C8orf34: variants seen among roughly 807,000 people sequenced by gnomAD.
C8orf34 encodes the protein chromosome 8 open reading frame 34, also known as uncharacterized protein C8orf34.
C8orf34 carries 65 observed loss-of-function variants against 68.3 expected under a neutral mutation model. The observed-to-expected ratio is 0.95, with a 90% CI of 0.78 to 1.17. The LOEUF (loss-of-function observed/expected upper bound fraction) is 1.17, where lower values mean the gene tolerates loss of function less well. Among genes scored for constraint, C8orf34 ranks in the 50% most tolerant of loss-of-function variants. C8orf34 has a pLI of 0.00. For missense variants in C8orf34, 664 were observed against 655.4 expected (o/e 1.01, Z -0.14); for synonymous variants, 244 against 241.2 (o/e 1.01, Z -0.11).
intron 5 of C8orf34, among the ~76,000 whole-genome samples, chr8:68,507,277 A>T (rs1021396987): frequency 6.6e-5 from 10 of 152,246 alleles, no homozygotes; most frequent in Non-Finnish European, 1.3e-4. Flanking sequence ...TCTTAAATCC[A>T]GTAAACTTTC....
chr8:68,370,521 A>C (rs1807513778), intron 1 of C8orf34, among the ~76,000 whole-genome samples: 1 of 152,126 alleles, frequency 6.6e-6, no homozygotes, highest in African/African-American at 2.4e-5. Flanking sequence ...ATGTATTTTT[A>C]AATTCTTTCA....
intron 8 of C8orf34, among the ~76,000 whole-genome samples, chr8:68,686,688 G>A (rs571951288): frequency 6.6e-6 from 1 of 152,190 alleles, no homozygotes; most frequent in African/African-American, 2.4e-5. Context: ...GGGAAATGCT[G>A]AAATCGTTTT....
chr8:68,602,189 T>C (rs565404487), intron 7 of C8orf34, among the ~76,000 whole-genome samples: 1 of 152,024 alleles, frequency 6.6e-6, no homozygotes, highest in Non-Finnish European at 1.5e-5. Context: ...GGAAGTGGAG[T>C]GCCAACTAAT....
chr8:68,448,454 G>A (rs1395183619), intron 3 of C8orf34, among the ~76,000 whole-genome samples: 1 of 152,138 alleles, frequency 6.6e-6, no homozygotes, highest in Non-Finnish European at 1.5e-5. Flanking sequence ...TATTTCTGAA[G>A]TAGTAAAATA....
At chr8:68,539,510 C>T (rs943568313) in intron 7 of C8orf34, among the ~76,000 whole-genome samples, 1 of 152,084 alleles carries the variant, frequency 6.6e-6, no homozygotes, top group Non-Finnish European at 1.5e-5. Context: ...TCATATATCA[C>T]AATATTCCCA....
chr8:68,808,882 C>T (rs1824564320), intron 12 of C8orf34, among the ~76,000 whole-genome samples: 1 of 152,100 alleles, frequency 6.6e-6, no homozygotes, highest in African/African-American at 2.4e-5. Flanking sequence ...TAATTATTGA[C>T]ATAATATTCT....
chr8:68,816,150 G>A (rs1311600223), intron 13 of C8orf34, among the ~76,000 whole-genome samples: 1 of 151,352 alleles, frequency 6.6e-6, no homozygotes, highest in Non-Finnish European at 1.5e-5. Context: ...GTGTGTGTGT[G>A]TGTGTGTGTG....
At chr8:68,746,473 T>A in intron 10 of C8orf34, among the ~76,000 whole-genome samples, 1 of 19,988 alleles carries the variant, frequency 5.0e-5, no homozygotes, top group Non-Finnish European at 1.0e-4. Flanking sequence ...ATCAACAAAA[T>A]TGATAGACCG....
chr8:68,661,727 C>A (rs1819685197), intron 8 of C8orf34, among the ~76,000 whole-genome samples: 1 of 152,040 alleles, frequency 6.6e-6, no homozygotes, highest in African/African-American at 2.4e-5. Flanking sequence ...TTTAGGTAAG[C>A]CCGTTGTGCA....
intron 9 of C8orf34, among the ~76,000 whole-genome samples, chr8:68,713,917 G>A (rs1353411156): frequency 1.3e-5 from 2 of 152,032 alleles, no homozygotes; most frequent in African/African-American, 2.4e-5. Context: ...ACCAAATCCA[G>A]CAGAATATCA....
intron 5 of C8orf34, among the ~76,000 whole-genome samples, chr8:68,495,126 G>A (rs2129632146): frequency 6.6e-6 from 1 of 151,556 alleles, no homozygotes; most frequent in East Asian, 2.0e-4. Flanking sequence ...TTAGTGTGGG[G>A]TATATTTTAG....
chr8:68,377,587 C>G (rs762766724), intron 1 of C8orf34, among the ~76,000 whole-genome samples: 11 of 152,142 alleles, frequency 7.2e-5, no homozygotes, highest in Non-Finnish European at 1.5e-4. Flanking sequence ...TTTTGAGCAT[C>G]ATTGGACAAT....
chr8:68,378,441 C>G (rs1176892748), intron 1 of C8orf34, among the ~76,000 whole-genome samples: 1 of 152,110 alleles, frequency 6.6e-6, no homozygotes, highest in Non-Finnish European at 1.5e-5. Flanking sequence ...GAACTATAGG[C>G]ACATGCTACC....
chr8:68,632,222 C>T (rs929694752), intron 7 of C8orf34, among the ~76,000 whole-genome samples: 2 of 152,112 alleles, frequency 1.3e-5, no homozygotes, highest in African/African-American at 4.8e-5. Context: ...GAGCAGAGGT[C>T]ACTCTTGTTA....
intron 7 of C8orf34, among the ~76,000 whole-genome samples, chr8:68,538,202 C>G (rs1441092168): frequency 6.6e-6 from 1 of 151,912 alleles, no homozygotes; most frequent in East Asian, 1.9e-4. Context: ...TATATTTTTT[C>G]TTGTTTATGT....
intron 2 of C8orf34, among the ~76,000 whole-genome samples, chr8:68,446,001 A>G (rs1347837098): frequency 6.6e-6 from 1 of 152,150 alleles, no homozygotes. Flanking sequence ...CATACTGGTC[A>G]GGTTGGTCTC....
At chr8:68,497,219 T>A (rs1469039563) in intron 5 of C8orf34, among the ~76,000 whole-genome samples, 5 of 152,160 alleles carry the variant, frequency 3.3e-5, no homozygotes, top group Non-Finnish European at 5.9e-5. Flanking sequence ...AAATTCCAAA[T>A]GAGCCATATA....
chr8:68,482,374 T>A (rs1478557792), intron 4 of C8orf34, among the ~76,000 whole-genome samples: 2 of 152,214 alleles, frequency 1.3e-5, no homozygotes, highest in Admixed American at 6.5e-5. Flanking sequence ...ATTCCTCAAC[T>A]TCTAGCAGGA....
chr8:68,806,314 G>A (rs1824482914), intron 12 of C8orf34, among the ~76,000 whole-genome samples: 1 of 150,546 alleles, frequency 6.6e-6, no homozygotes, highest in Admixed American at 6.6e-5. Flanking sequence ...CCTTTCTTCT[G>A]CCTAAATAAA....
Sources: gnomAD v4.1 joint callset for allele counts (sites outside exome capture counted in the v4.1 genomes callset) on GRCh38, gnomAD v4.1.1 for gene constraint, MANE v1.5 for transcripts, NCBI Gene and HGNC (gene_info 2026-07-23, HGNC 2026-07-21) for gene names.